The following PDE8A variants were observed in gnomAD, a reference collection of about 807,000 sequenced individuals.
The protein encoded by PDE8A is phosphodiesterase 8A, also known as high affinity cAMP-specific and IBMX-insensitive 3',5'-cyclic phosphodiesterase 8A.
Under a neutral mutation model 105.0 loss-of-function variants are expected in PDE8A, and 59 were observed. The observed-to-expected ratio is 0.56, with a 90% CI of 0.46 to 0.70. PDE8A has a LOEUF of 0.70. Ranked by LOEUF, PDE8A falls within the 30% of genes least tolerant of loss-of-function variation. The probability of loss-of-function intolerance (pLI) is 0.00; values close to 1 mark genes in which losing one functional copy is unlikely to be tolerated. For missense variants in PDE8A, 1,014 were observed against 1,045.9 expected, an observed-to-expected ratio of 0.97 and a Z score of 0.42; for synonymous variants, 355 against 371.9, an observed-to-expected ratio of 0.95 and a Z score of 0.52.
chr15:85,080,870 G>T (rs1364324241), intron 5 of PDE8A, among the ~76,000 whole-genome samples: 1 of 152,266 alleles, frequency 6.6e-6, no homozygotes, highest in South Asian at 2.1e-4. Context: ...GTGAGGACAC[G>T]TCCATGCAAA....
intron 1 of PDE8A, among the ~76,000 whole-genome samples, chr15:84,990,599 A>C (rs1346067616): frequency 6.6e-6 from 1 of 152,224 alleles, no homozygotes; most frequent in Non-Finnish European, 1.5e-5. Context: ...TGTTACATGA[A>C]GAAACCACAG....
intron 1 of PDE8A, among the ~76,000 whole-genome samples, chr15:84,993,239 C>A (rs551602886): frequency 6.6e-6 from 1 of 150,948 alleles, no homozygotes; most frequent in Non-Finnish European, 1.5e-5. Flanking sequence ...GTCAGGAGAT[C>A]AAGACCATCC....
chr15:85,129,112 G>T (rs1567305630), intron 20 of PDE8A, among the ~76,000 whole-genome samples: 1 of 152,126 alleles, frequency 6.6e-6, no homozygotes, highest in Non-Finnish European at 1.5e-5. Context: ...ATTCCACATA[G>T]TCATTGTGTA....
At chr15:84,988,054 C>T (rs916093896) in intron 1 of PDE8A, among the ~76,000 whole-genome samples, 2 of 152,268 alleles carry the variant, frequency 1.3e-5, no homozygotes, top group African/African-American at 4.8e-5. Context: ...CTTGGATGCC[C>T]TCTGTGTTGC....
At chr15:85,042,915 G>A (rs1441173847) in intron 1 of PDE8A, among the ~76,000 whole-genome samples, 2 of 152,142 alleles carry the variant, frequency 1.3e-5, no homozygotes, top group Non-Finnish European at 2.9e-5. Context: ...ACGGGTTATG[G>A]GAACTGTGGG....
rs148426233 is a variant in PDE8A, at chr15:85,107,462, T to C, written c.1037-1591T>C. Among the ~76,000 whole-genome samples, 6 of 152,332 alleles carry C rather than the reference T, an allele frequency of 3.9e-5. No homozygotes were observed. The East Asian group carries it at 1.2e-3, about 29-fold the overall frequency. ...GTTGAAAGGGATAAGGTTGGTGTTT[T>C]AGAACCAATCTGGGAGGCCATTAAT... On this transcript the variant is annotated intron_variant, in intron 11 of 21. Transcript: ENST00000394553.
At chr15:85,062,733 A>C (rs1166155492) in intron 1 of PDE8A, 1 of 152,222 alleles carries the variant, frequency 6.6e-6, no homozygotes, top group Non-Finnish European at 1.5e-5. Context: ...AAGAGCTAAA[A>C]TTAACTGCGG....
rs117531137 is a variant in PDE8A, at chr15:85,003,352, C to G, written c.186+21004C>G. ...TAACTTCATCAGTAGAGAGCTTCTTCCCTTAATTCCAATTTGAAAATCCTG... is the reference window on the plus strand; with the variant it reads ...TAACTTCATCAGTAGAGAGCTTCTTGCCTTAATTCCAATTTGAAAATCCTG... On this transcript the variant is annotated intron_variant, in intron 1 of 21. Transcript: ENST00000394553. 2.3e-4 allele frequency among the ~76,000 whole-genome samples: 35 copies of G among 152,296 alleles called. No homozygotes were observed. In the East Asian group the frequency reaches 6.6e-3, roughly 29 times the overall value.
intron 1 of PDE8A, among the ~76,000 whole-genome samples, chr15:85,008,617 T>G (rs547940830): frequency 2.0e-5 from 3 of 152,256 alleles, no homozygotes; most frequent in Admixed American, 2.0e-4. Flanking sequence ...TACCTGCCAG[T>G]ACTCCAGCTT....
At chr15:85,015,362 G>A (rs953154911) in intron 1 of PDE8A, among the ~76,000 whole-genome samples, 1 of 152,020 alleles carries the variant, frequency 6.6e-6, no homozygotes, top group Non-Finnish European at 1.5e-5. Flanking sequence ...GAGTAGCTGG[G>A]ACCACATCAC....
chr15:85,048,158 A>G (rs1284298555), intron 1 of PDE8A, among the ~76,000 whole-genome samples: 1 of 152,078 alleles, frequency 6.6e-6, no homozygotes, highest in African/African-American at 2.4e-5. Flanking sequence ...TTGTGAGTTA[A>G]TATTTTTAAG....
intron 14 of PDE8A, 80 bp downstream of exon 14, chr15:85,114,117 T>TC: frequency 8.1e-7 from 1 of 1,230,682 alleles, no homozygotes; most frequent in Middle Eastern, 1.9e-4. Flanking sequence ...CTTAAACAGA[T>TC]ATTGAAGAGG....
intron 1 of PDE8A, among the ~76,000 whole-genome samples, chr15:85,015,280 G>A (rs568707304): frequency 6.6e-6 from 1 of 151,326 alleles, no homozygotes. Flanking sequence ...AGGCTAGAGA[G>A]CAGTGGTGCA....
At chr15:85,090,660 T>G in intron 7 of PDE8A, 1 of 380,728 alleles carries the variant, frequency 2.6e-6, no homozygotes, top group Admixed American at 2.8e-5. Context: ...CTGAGTGTTT[T>G]GCACTCTACC....
intron 1 of PDE8A, among the ~76,000 whole-genome samples, chr15:85,010,559 A>G (rs573701064): frequency 6.6e-6 from 1 of 152,184 alleles, no homozygotes; most frequent in East Asian, 1.9e-4. Context: ...TATGTATTTG[A>G]TTGCCTCTCC....
At chr15:85,072,677 G>A (rs2081328385) in intron 3 of PDE8A, among the ~76,000 whole-genome samples, 1 of 151,166 alleles carries the variant, frequency 6.6e-6, no homozygotes, top group African/African-American at 2.4e-5. Context: ...ATCCTGCAGA[G>A]TCCATGGCAG....
intron 1 of PDE8A, among the ~76,000 whole-genome samples, chr15:85,030,195 T>C (rs529391483): frequency 1.3e-5 from 2 of 152,198 alleles, no homozygotes; most frequent in South Asian, 2.1e-4. Context: ...CTCTTTCTTT[T>C]TGTAAATTCC....
intron 1 of PDE8A, among the ~76,000 whole-genome samples, chr15:84,998,729 C>A (rs2080019210): frequency 6.6e-6 from 1 of 152,058 alleles, no homozygotes; most frequent in Admixed American, 6.6e-5. Context: ...TATGCCCTGT[C>A]TTTTTGTTAT....
At chr15:85,132,075 C>T (rs1315308034) in intron 20 of PDE8A, among the ~76,000 whole-genome samples, 1 of 152,102 alleles carries the variant, frequency 6.6e-6, no homozygotes, top group Non-Finnish European at 1.5e-5. Flanking sequence ...GTTTATCCTA[C>T]TTGGAGTTTA....
Sources: allele counts gnomAD v4.1 joint callset (sites outside exome capture counted in the v4.1 genomes callset), GRCh38; gene constraint gnomAD v4.1.1; transcripts MANE v1.5; gene names NCBI Gene and HGNC (gene_info 2026-07-23, HGNC 2026-07-21).